Variants in ZDHHC15 observed in about 807,000 individuals in gnomAD.
ZDHHC15 encodes the protein zDHHC palmitoyltransferase 15.
A neutral mutation model predicts 31.7 loss-of-function variants in ZDHHC15; 19 were observed. That is an observed-to-expected ratio of 0.60 (90% CI 0.42 to 0.88). The LOEUF (loss-of-function observed/expected upper bound fraction) is 0.88. ZDHHC15 is among the 40% of genes least tolerant of loss of function. The pLI is 0.00. For synonymous variants in ZDHHC15, 103 were observed against 90.0 expected (o/e 1.14, Z -0.82); for missense variants, 209 against 251.2 (o/e 0.83, Z 1.14).
chrX:75,499,148 G>T (rs138633608), intron 2 of ZDHHC15, among the ~76,000 whole-genome samples: 3 of 111,416 alleles, frequency 2.7e-5, no homozygotes, highest in Non-Finnish European at 5.7e-5. Context: ...ATGGATCAAA[G>T]ACTTAACCTA....
rs998103412 is a variant in ZDHHC15, at chrX:75,368,931, C to T, written c.*4047G>A. The T allele has an allele frequency of 9.0e-6, 1 of 111,390 alleles. No individual in the cohort carries two copies. Among genetic ancestry groups the T allele is most frequent in the Non-Finnish European group, 1.9e-5 (1 of 53,047 alleles). The allele number at this position is 111,390 out of a possible 1,213,427, so 9.2% of individuals were successfully genotyped here. A position where few individuals can be genotyped will look rare whatever the true frequency, so the allele number is the denominator to read the frequency against. On this transcript the variant is annotated 3_prime_UTR_variant, in exon 12 of 12. Transcript: ENST00000373367. Reference sequence around the variant, plus strand: ...TGGGTTGCATGCTACTAGGAGCCACCCATTCATTATTATATAATACCCGCA... The same window carrying T: ...TGGGTTGCATGCTACTAGGAGCCACTCATTCATTATTATATAATACCCGCA...
intron 2 of ZDHHC15, among the ~76,000 whole-genome samples, chrX:75,502,996 A>C (rs1197475429): frequency 2.7e-5 from 3 of 110,826 alleles, no homozygotes; most frequent in African/African-American, 9.8e-5. Context: ...GTATAACTGG[A>C]ATATTTATAA....
At chrX:75,422,090 G>T (rs1238413545) in intron 8 of ZDHHC15, 100 bp from the exon 9 acceptor site, 26 of 1,004,814 alleles carry the variant, frequency 2.6e-5, no homozygotes, top group East Asian at 3.3e-5. Flanking sequence ...TATGTGACTT[G>T]GTTCTATTAT....
At chrX:75,484,958 A>G (rs2084753542) in intron 2 of ZDHHC15, among the ~76,000 whole-genome samples, 3 of 112,046 alleles carry the variant, frequency 2.7e-5, no homozygotes, top group Non-Finnish European at 5.6e-5. Context: ...AAGAAAGCCT[A>G]ATACAAAAGG....
chrX:75,398,069 T>C (rs2083316844), intron 10 of ZDHHC15, among the ~76,000 whole-genome samples: 1 of 112,021 alleles, frequency 8.9e-6, no homozygotes, highest in Admixed American at 9.4e-5. Context: ...GGAAAGAAGC[T>C]GAATCCAGGG....
At chrX:75,516,304 C>T (rs1024922805) in intron 1 of ZDHHC15, among the ~76,000 whole-genome samples, 1 of 112,042 alleles carries the variant, frequency 8.9e-6, no homozygotes, top group Admixed American at 9.5e-5. Context: ...AAGAACAAAG[C>T]TGGAGGCATC....
chrX:75,523,029 G>T lies in ZDHHC15; in HGVS notation c.-5C>A. The T allele has an allele frequency of 8.3e-7, 1 of 1,202,914 alleles. No individual in the cohort carries two copies. Among genetic ancestry groups the T allele is most frequent in the South Asian group, 1.8e-5 (1 of 55,886 alleles). ...CATCTTCCAGCCTCGCCGCATCTTT[G>T]GCTCGAAGATCGACCAAGCAGGCCT... On this transcript the variant is annotated 5_prime_UTR_variant, in exon 1 of 12. Coordinates refer to ENST00000373367, the MANE Select transcript of ZDHHC15 (RefSeq NM_144969.3).
intron 4 of ZDHHC15, among the ~76,000 whole-genome samples, chrX:75,434,302 C>T (rs1256363427): frequency 9.0e-6 from 1 of 111,404 alleles, no homozygotes; most frequent in Non-Finnish European, 1.9e-5. Flanking sequence ...GTTTACTCTG[C>T]TATTTCTTTT....
At chrX:75,499,962 A>G (rs1483031518) in intron 2 of ZDHHC15, among the ~76,000 whole-genome samples, 2 of 112,094 alleles carry the variant, frequency 1.8e-5, no homozygotes, top group African/African-American at 6.5e-5. Flanking sequence ...AGCCATTAAA[A>G]GGAATAAGAT....
At chrX:75,382,556 T>C (rs1487386512) in intron 10 of ZDHHC15, among the ~76,000 whole-genome samples, 7 of 112,215 alleles carry the variant, frequency 6.2e-5, no homozygotes, top group African/African-American at 2.3e-4. Flanking sequence ...ATGAACAGGT[T>C]GTTTATAGGC....
At chrX:75,497,948 T>TA (rs1451400960) in intron 2 of ZDHHC15, among the ~76,000 whole-genome samples, 43 of 107,276 alleles carry the variant, frequency 4.0e-4, no homozygotes, top group Admixed American at 3.9e-3. Flanking sequence ...TTTTTTTTTT[T>TA]TTGAGACAGT....
chrX:75,395,711 CA>C (rs1410875154), intron 10 of ZDHHC15, among the ~76,000 whole-genome samples: 2 of 111,251 alleles, frequency 1.8e-5, no homozygotes. Flanking sequence ...TATATGGAAC[CA>C]CAAAAGACCC....
In ZDHHC15 at chrX:75,505,896, T is replaced by TGAGA. The variant is rs761788572; in HGVS notation, c.137-53_137-50dup. On this transcript the variant is annotated intron_variant, in intron 1 of 11. Transcript: ENST00000373367. ...AGACAGACAGACAGACAGAGATGGA[T>TGAGA]GAGAGAGAGAGAGAGAGAAATTAGT... 7 of 1,015,099 alleles carry TGAGA rather than the reference T, an allele frequency of 6.9e-6. No individual in the cohort carries two copies. The South Asian group carries it at 1.4e-4, about 20-fold the overall frequency. The allele number at this position is 1,015,099 out of a possible 1,213,427, so 83.7% of individuals were successfully genotyped here.
chrX:75,459,198 G>T (rs1257136204), intron 3 of ZDHHC15, among the ~76,000 whole-genome samples: 2 of 109,915 alleles, frequency 1.8e-5, no homozygotes, highest in Admixed American at 9.8e-5. Flanking sequence ...CACACACAGA[G>T]ACCCAGGAGT....
chrX:75,456,721 G>A (rs1045671571), intron 3 of ZDHHC15, among the ~76,000 whole-genome samples: 6 of 110,781 alleles, frequency 5.4e-5, no homozygotes, highest in African/African-American at 1.6e-4. Flanking sequence ...TGTTTTTAGA[G>A]ACAACTACTG....
intron 3 of ZDHHC15, among the ~76,000 whole-genome samples, chrX:75,474,077 TGATTG>T (rs2084549106): frequency 9.0e-6 from 1 of 110,813 alleles, no homozygotes; most frequent in South Asian, 3.8e-4. Flanking sequence ...AGTGTCAACT[TGATTG>T]GATTGAAGGA....
chrX:75,466,943 T>C (rs781111374), intron 3 of ZDHHC15, among the ~76,000 whole-genome samples: 1 of 110,207 alleles, frequency 9.1e-6, no homozygotes, highest in South Asian at 4.0e-4. Flanking sequence ...GATGCTGGGA[T>C]TCACACCTAG....
intron 2 of ZDHHC15, among the ~76,000 whole-genome samples, chrX:75,488,051 A>G (rs2084806553): frequency 8.9e-6 from 1 of 112,423 alleles, no homozygotes; most frequent in Non-Finnish European, 1.9e-5. Flanking sequence ...ACATAAGAAT[A>G]ACTGTTGTTC....
At position 75,518,698 on chromosome X, in the gene ZDHHC15, G is replaced by A. The variant is rs1269935666; in HGVS notation, c.136+4191C>T. On this transcript the variant is annotated intron_variant, in intron 1 of 11. Transcript: ENST00000373367. The stretch of plus-strand genomic sequence containing the variant: ...AACAAATACATGAATGTTTGTAACA[G>A]CACTATTCAGAAGAGACAAAAGGTA... Among the ~76,000 whole-genome samples the A allele has an allele frequency of 4.0e-5, 4 of 99,004 alleles. No homozygotes were observed. In the East Asian group the frequency reaches 1.3e-3, roughly 32 times the overall value. The allele number at this position is 99,004 out of a possible 115,157, so 86.0% of individuals were successfully genotyped here. A position where few individuals can be genotyped will look rare whatever the true frequency, so the allele number is the denominator to read the frequency against.
Sources: allele counts gnomAD v4.1 joint callset (sites outside exome capture counted in the v4.1 genomes callset), GRCh38; gene constraint gnomAD v4.1.1; transcripts MANE v1.5; gene names NCBI Gene and HGNC (gene_info 2026-07-23, HGNC 2026-07-21).